ATP9B: variants seen among roughly 807,000 people sequenced by gnomAD.
ATP9B encodes probable phospholipid-transporting ATPase IIB.
Under a neutral mutation model 146.1 loss-of-function variants are expected in ATP9B, and 110 were observed. The observed-to-expected ratio is 0.75, with a 90% CI of 0.65 to 0.88. The LOEUF (loss-of-function observed/expected upper bound fraction) is 0.88, where lower values mean the gene tolerates loss of function less well. Among genes scored for constraint, ATP9B ranks in the 40% least tolerant of loss-of-function variants. The pLI, the probability that ATP9B is intolerant of heterozygous loss-of-function variation, is 0.00. For missense variants in ATP9B, 1,499 were observed against 1,496.4 expected (o/e 1.00, Z -0.03); for synonymous variants, 604 against 569.7 (o/e 1.06, Z -0.86).
At chr18:79,225,301 T>C (rs1245371623) in intron 11 of ATP9B, among the ~76,000 whole-genome samples, 3 of 152,252 alleles carry the variant, frequency 2.0e-5, no homozygotes, top group Non-Finnish European at 4.4e-5. Flanking sequence ...TATAATAAGC[T>C]AAACATGAAA....
At chr18:79,117,673 A>G (rs1281074917) in intron 4 of ATP9B, 1 of 152,226 alleles carries the variant, frequency 6.6e-6, no homozygotes. Flanking sequence ...AGGAAGCCGT[A>G]TGTTTGTGTA....
At chr18:79,359,011 TAAGATGTTACC>T (rs1384618018) in intron 25 of ATP9B, among the ~76,000 whole-genome samples, 1 of 152,020 alleles carries the variant, frequency 6.6e-6, no homozygotes, top group Admixed American at 6.5e-5. Context: ...TACAGTTATC[TAAGATGTTACC>T]ATTGGGAGAA....
At chr18:79,258,660 G>A (rs2096109711) in intron 12 of ATP9B, among the ~76,000 whole-genome samples, 1 of 152,132 alleles carries the variant, frequency 6.6e-6, no homozygotes, top group African/African-American at 2.4e-5. Context: ...GGTCTCTCTT[G>A]CTCTAGTTTT....
chr18:79,218,899 A>G (rs929166446), intron 11 of ATP9B, among the ~76,000 whole-genome samples: 1 of 152,200 alleles, frequency 6.6e-6, no homozygotes. Flanking sequence ...GAGAATTGGA[A>G]ATACTTCATG....
intron 2 of ATP9B, among the ~76,000 whole-genome samples, chr18:79,100,466 T>C (rs1439221570): frequency 6.6e-6 from 1 of 152,234 alleles, no homozygotes; most frequent in Non-Finnish European, 1.5e-5. Context: ...CCTTTTATTG[T>C]CTTTAATTGT....
intron 5 of ATP9B, among the ~76,000 whole-genome samples, chr18:79,137,468 A>G (rs1294182821): frequency 6.6e-6 from 1 of 152,078 alleles, no homozygotes; most frequent in Admixed American, 6.6e-5. Context: ...GCATCATTGG[A>G]CAGATCTGGG....
Position 79,239,871 on chromosome 18 carries a change from G to A in ATP9B, c.1108-13510G>A, listed in dbSNP as rs1886688457. Among the ~76,000 whole-genome samples, 1 of 152,210 alleles carries A rather than the reference G, an allele frequency of 6.6e-6. No homozygotes were observed. Among genetic ancestry groups the A allele is most frequent in the African/African-American group, 2.4e-5 (1 of 41,454 alleles). ...ATCTGAATGTGGCTGGGAGAGCATG[G>A]TTCCTGAGGGCTAAGCGTTCCCAAA... On this transcript the variant is annotated intron_variant, in intron 11 of 29. Coordinates refer to ENST00000426216, the MANE Select transcript of ATP9B (RefSeq NM_198531.5). The surrounding 1 kb of genome is among the most constrained non-coding windows in gnomAD (Gnocchi z 5.1).
At chr18:79,243,826 T>C (rs1419701750) in intron 11 of ATP9B, among the ~76,000 whole-genome samples, 1 of 152,202 alleles carries the variant, frequency 6.6e-6, no homozygotes, top group African/African-American at 2.4e-5. Flanking sequence ...GAATCTCACA[T>C]AAAAATGTTT....
At chr18:79,176,299 A>G (rs1321264181) in intron 7 of ATP9B, among the ~76,000 whole-genome samples, 2 of 152,222 alleles carry the variant, frequency 1.3e-5, no homozygotes, top group East Asian at 1.9e-4. Flanking sequence ...TCATAATAGA[A>G]TATCTTAGCA....
chr18:79,072,814 G>C (rs1035319061), intron 1 of ATP9B, among the ~76,000 whole-genome samples: 1 of 152,006 alleles, frequency 6.6e-6, no homozygotes, highest in Non-Finnish European at 1.5e-5. Flanking sequence ...CTGCCGGGCA[G>C]AGGGGCTCCT....
intron 13 of ATP9B, among the ~76,000 whole-genome samples, chr18:79,301,213 CA>C (rs1427509391): frequency 6.6e-6 from 1 of 152,142 alleles, no homozygotes; most frequent in Non-Finnish European, 1.5e-5. Flanking sequence ...ACTCATAGGC[CA>C]GGGGTGGTGG....
At chr18:79,180,799 A>AT (rs144198169) in intron 8 of ATP9B, among the ~76,000 whole-genome samples, 43 of 146,898 alleles carry the variant, frequency 2.9e-4, no homozygotes, top group Middle Eastern at 3.6e-3. Context: ...TTCTTTTCTC[A>AT]TTTTTTTTTT....
chr18:79,197,779 G>A (rs2095430201), intron 9 of ATP9B, among the ~76,000 whole-genome samples: 1 of 152,142 alleles, frequency 6.6e-6, no homozygotes, highest in Non-Finnish European at 1.5e-5. Context: ...GAGCAAGATG[G>A]TTGACTCAGT....
Position 79,345,533 on chromosome 18 carries a change from C to A in ATP9B, c.2578C>A (p.Leu860Met). Residue 860 changes from leucine (L) to methionine (M), a missense_variant, in exon 22 of 30, where the codon CTG becomes ATG. Coordinates refer to ENST00000426216, the MANE Select transcript of ATP9B (RefSeq NM_198531.5). ...CACCCAGAAGGCCCGCATTGTGACA[C>A]TGCTGCAGCAGCACACAGGGAGACG... ...SPTQKARIVT[L>M]LQQHTGRRTC... 6.2e-7 allele frequency: 1 copy of A among 1,611,792 alleles called. No individual in the cohort carries two copies.
intron 11 of ATP9B, among the ~76,000 whole-genome samples, chr18:79,221,589 C>T (rs1210968754): frequency 2.6e-5 from 4 of 152,190 alleles, no homozygotes; most frequent in Non-Finnish European, 4.4e-5. Flanking sequence ...GGCGTGGTGG[C>T]GTGTGCCTGT....
intron 2 of ATP9B, 27 bp downstream of exon 2, chr18:79,096,676 C>T: frequency 1.3e-6 from 2 of 1,575,556 alleles, no homozygotes; most frequent in Non-Finnish European, 1.7e-6. Flanking sequence ...TACCTAATTT[C>T]CTTATATGCT....
At chr18:79,331,002 A>T (rs982722711) in intron 17 of ATP9B, among the ~76,000 whole-genome samples, 1 of 152,242 alleles carries the variant, frequency 6.6e-6, no homozygotes. Flanking sequence ...ATAATAAGCA[A>T]TCCCATATTT....
chr18:79,328,174 C>T (rs1295014688), intron 15 of ATP9B, among the ~76,000 whole-genome samples: 4 of 151,756 alleles, frequency 2.6e-5, no homozygotes, highest in African/African-American at 9.7e-5. Flanking sequence ...GGTTAGTGTG[C>T]TCTCTGTGGT....
chr18:79,255,524 G>A (rs2096069082), intron 12 of ATP9B, among the ~76,000 whole-genome samples: 1 of 152,198 alleles, frequency 6.6e-6, no homozygotes, highest in African/African-American at 2.4e-5. Context: ...TGAGAAGATA[G>A]GTTAGCCATC....
Sources: gnomAD v4.1 joint callset for allele counts (sites outside exome capture counted in the v4.1 genomes callset) on GRCh38, gnomAD v4.1.1 for gene constraint, Gnocchi (gnomAD v3.1) non-coding constraint, MANE v1.5 for transcripts, NCBI Gene and HGNC (gene_info 2026-07-23, HGNC 2026-07-21) for gene names.